PKNOX1: variants seen among roughly 807,000 people sequenced by gnomAD.
PKNOX1 encodes homeobox protein PKNOX1.
A neutral mutation model predicts 51.9 loss-of-function variants in PKNOX1; 15 were observed. The ratio of observed to expected loss-of-function variants is 0.29; its 90% confidence interval spans 0.19 to 0.45. The LOEUF is 0.45. PKNOX1 is among the 20% of genes least tolerant of loss of function. The pLI, the probability that PKNOX1 is intolerant of heterozygous loss-of-function variation, is 1.00. For synonymous variants in PKNOX1, 219 were observed against 211.1 expected (o/e 1.04, Z -0.32); for missense variants, 462 against 547.5 (o/e 0.84, Z 1.56).
At chr21:42,992,973 CAG>C (rs1052804957) in intron 1 of PKNOX1, among the ~76,000 whole-genome samples, 57 of 145,860 alleles carry the variant, frequency 3.9e-4, no homozygotes, top group Middle Eastern at 3.5e-3. Context: ...ATAGCAGTGT[CAG>C]GGGGGCGTTC....
chr21:43,002,608 C>T (rs188227076), intron 1 of PKNOX1, among the ~76,000 whole-genome samples: 1 of 152,226 alleles, frequency 6.6e-6, no homozygotes, highest in Non-Finnish European at 1.5e-5. Flanking sequence ...GTGCCTCCCA[C>T]GGATTTTGTG....
At chr21:42,989,443 TCTCA>T (rs2059074372) in intron 1 of PKNOX1, among the ~76,000 whole-genome samples, 2 of 152,196 alleles carry the variant, frequency 1.3e-5, no homozygotes, top group Non-Finnish European at 2.9e-5. Context: ...TTTGAGTCAG[TCTCA>T]CTCTGTCACC....
chr21:43,023,892 G>A (rs1237551898), intron 8 of PKNOX1, among the ~76,000 whole-genome samples: 2 of 151,868 alleles, frequency 1.3e-5, no homozygotes, highest in Non-Finnish European at 2.9e-5. Flanking sequence ...GGGATTACAG[G>A]CGTGAGCCAC....
intron 1 of PKNOX1, 32 bp downstream of exon 1, chr21:42,974,696 C>T (rs1601258118): frequency 6.0e-6 from 1 of 167,014 alleles, no homozygotes; most frequent in Non-Finnish European, 1.2e-5. Flanking sequence ...CCGCCGCCGC[C>T]GCCGCCGCTC....
chr21:43,027,395 G>A (rs1374749970), intron 9 of PKNOX1, among the ~76,000 whole-genome samples: 1 of 152,116 alleles, frequency 6.6e-6, no homozygotes, highest in Non-Finnish European at 1.5e-5. Context: ...AGTGGCATAG[G>A]GTGGTGGGTG....
At position 43,029,991 on chromosome 21, in the gene PKNOX1, G is replaced by A; in HGVS notation, c.1201G>A (p.Ala401Thr). ...CCTGGCGGTGCAGCAGGTCATGATG[G>A]CAGGGCAGAGCGAGGACGAGTCTGT... is the stretch of plus-strand genomic sequence containing the variant. ...ATLAVQQVMMAGQSEDESVDS... is the reference protein window; with the variant it reads ...ATLAVQQVMMTGQSEDESVDS... The change falls in exon 11 of 11, where the codon GCA (alanine) becomes ACA (threonine). Residue 401 changes from alanine (A) to threonine (T), a missense_variant. By Grantham distance (58) the Ala-to-Thr change is moderately conservative (BLOSUM62 0). This residue lies in a region of PKNOX1 where 118 missense variants were observed against 116.8 expected (regional missense o/e 1.01). Transcript: ENST00000291547. 6.2e-7 allele frequency: 1 copy of A among 1,614,092 alleles called. No homozygotes were observed.
intron 1 of PKNOX1, among the ~76,000 whole-genome samples, chr21:42,996,602 CTG>C (rs1978516162): frequency 6.6e-6 from 1 of 152,208 alleles, no homozygotes; most frequent in South Asian, 2.1e-4. Context: ...AAGTGGCTGA[CTG>C]TGTTGTGGCT....
chr21:42,995,386 A>C (rs548159990), intron 1 of PKNOX1, among the ~76,000 whole-genome samples: 1 of 152,212 alleles, frequency 6.6e-6, no homozygotes, highest in East Asian at 1.9e-4. Flanking sequence ...TGTAATTAAT[A>C]AGTGTCTTGA....
At chr21:43,010,620 G>C (rs1212305832) in intron 4 of PKNOX1, among the ~76,000 whole-genome samples, 1 of 152,010 alleles carries the variant, frequency 6.6e-6, no homozygotes, top group African/African-American at 2.4e-5. Context: ...GGGAGGCCGA[G>C]GTGGGCAGAT....
chr21:43,021,259 GA>G lies in PKNOX1; in HGVS notation c.721-43del, dbSNP rs1313973292. On this transcript the variant is annotated intron_variant, in intron 7 of 10. Transcript: ENST00000291547. This position sits in a 1 kb window ranked among gnomAD's most constrained non-coding sequence, Gnocchi z 4.6. ...TGCAGTTGTAAGTACTTGGATATGT[GA>G]GAATTTCCTATGCTTTCTAATGTTA... is the stretch of plus-strand genomic sequence containing the variant. The G allele has an allele frequency of 3.3e-6, 5 of 1,526,372 alleles. No homozygotes were observed. The African/African-American group carries it at 5.5e-5, about 17-fold the overall frequency. The allele number at this position is 1,526,372 out of a possible 1,614,324, so 94.6% of individuals were successfully genotyped here.
Position 43,010,177 on chromosome 21 carries a change from A to G in PKNOX1, c.304A>G (p.Lys102Glu). 1 of 1,599,928 alleles carries G rather than the reference A, an allele frequency of 6.3e-7. No individual in the cohort carries two copies. Among genetic ancestry groups the G allele is most frequent in the Non-Finnish European group, 8.5e-7 (1 of 1,171,578 alleles). Residue 102 changes from lysine (K) to glutamate (E), a missense_variant, in exon 4 of 11, where the codon AAG becomes GAG. Physicochemically the swap from Lys to Glu is moderately conservative, Grantham distance 56. This residue lies in a region of PKNOX1 where 129 missense variants were observed against 133.4 expected (regional missense o/e 0.97). Coordinates refer to ENST00000291547, the MANE Select transcript of PKNOX1 (RefSeq NM_004571.5). ...CGAAAATTTTGTAAGAAAGCAAGAG[A>G]AGGAAGGGAAACCTTTCTTTTGTGA... ...DIENFVRKQEKEGKPFFCEDP... is the reference protein window; with the variant it reads ...DIENFVRKQEEEGKPFFCEDP...
intron 6 of PKNOX1, 86 bp from the exon 7 acceptor site, chr21:43,018,047 C>CAAAAAAAAAAA (rs60175567): frequency 5.2e-4 from 145 of 279,728 alleles, no homozygotes; most frequent in Middle Eastern, 2.1e-3. Context: ...CCTGTCTCTA[C>CAAAAAAAAAAA]AAAAAAAAAA....
intron 8 of PKNOX1, 88 bp from the exon 9 acceptor site, chr21:43,024,783 G>A: frequency 1.2e-6 from 1 of 806,108 alleles, no homozygotes; most frequent in Non-Finnish European, 2.1e-6. Flanking sequence ...ATTTTCTAAT[G>A]ATTATGTAAT....
rs369292785 is a variant in PKNOX1, at chr21:43,012,487, A to G, written c.352-581A>G. ...AGGCAGGAGAATCACTTGAACCCAG[A>G]AGGCAGAGGTTGTAGTGAGCTGAGA... is the stretch of plus-strand genomic sequence containing the variant. On this transcript the variant is annotated intron_variant, in intron 4 of 10. Coordinates refer to ENST00000291547, the MANE Select transcript of PKNOX1 (RefSeq NM_004571.5). Among the ~76,000 whole-genome samples, 9 of 152,326 alleles carry G rather than the reference A, an allele frequency of 5.9e-5. No individual in the cohort carries two copies. In the South Asian group the frequency reaches 6.2e-4, roughly 11 times the overall value.
At chr21:42,983,100 G>T (rs1490412265) in intron 1 of PKNOX1, among the ~76,000 whole-genome samples, 3 of 84,620 alleles carry the variant, frequency 3.5e-5, no homozygotes, top group Non-Finnish European at 4.9e-5. Context: ...ATGAACCACT[G>T]TGGCTGGCCT....
Position 43,032,238 on chromosome 21 carries a change from T to C in PKNOX1, c.*2137T>C, listed in dbSNP as rs532478755. Reference sequence around the variant, plus strand: ...CATATTTTAAGTCAAGTCTATAAGATCATTTTTAACCTAAGTTCCAACTTT... The same window carrying C: ...CATATTTTAAGTCAAGTCTATAAGACCATTTTTAACCTAAGTTCCAACTTT... On this transcript the variant is annotated 3_prime_UTR_variant, in exon 11 of 11. Transcript: ENST00000291547. 1.3e-5 allele frequency: 6 copies of C among 455,808 alleles called. No homozygotes were observed. Among genetic ancestry groups the C allele is most frequent in the Admixed American group, 7.1e-5 (3 of 42,488 alleles). The allele number at this position is 455,808 out of a possible 1,614,324, so 28.2% of individuals were successfully genotyped here. A position where few individuals can be genotyped will look rare whatever the true frequency, so the allele number is the denominator to read the frequency against.
chr21:43,019,957 C>T (rs1340815190), intron 7 of PKNOX1, among the ~76,000 whole-genome samples: 6 of 118,954 alleles, frequency 5.0e-5, no homozygotes, highest in Admixed American at 1.0e-4. Flanking sequence ...TTTTAAGAGA[C>T]GGTCTCGCTC....
At chr21:43,013,046 G>A in intron 4 of PKNOX1, 22 bp from the exon 5 acceptor site, 1 of 1,557,198 alleles carries the variant, frequency 6.4e-7, no homozygotes, top group Non-Finnish European at 8.7e-7. Context: ...TTCTCTGAAA[G>A]TCTTCATTTT....
At chr21:42,984,586 C>G (rs891001841) in intron 1 of PKNOX1, among the ~76,000 whole-genome samples, 7 of 152,090 alleles carry the variant, frequency 4.6e-5, no homozygotes, top group African/African-American at 9.7e-5. Flanking sequence ...CAGGGTCTCT[C>G]CATGTTGTTC....
Sources: allele counts gnomAD v4.1 joint callset (sites outside exome capture counted in the v4.1 genomes callset), GRCh38; gene constraint gnomAD v4.1.1; regional missense constraint gnomAD v4.1.1; non-coding constraint Gnocchi (gnomAD v3.1); transcripts MANE v1.5; gene names NCBI Gene and HGNC (gene_info 2026-07-23, HGNC 2026-07-21).